Variants in PTPRB observed in about 807,000 individuals in gnomAD.
PTPRB encodes the protein protein tyrosine phosphatase receptor type B, also known as receptor-type tyrosine-protein phosphatase beta.
Under a neutral mutation model 238.1 loss-of-function variants are expected in PTPRB, and 97 were observed. The ratio of observed to expected loss-of-function variants is 0.41; its 90% CI spans 0.35 to 0.48. The LOEUF (loss-of-function observed/expected upper bound fraction) is 0.48, where lower values mean the gene tolerates loss of function less well. Ranked by LOEUF, PTPRB falls within the 20% of genes least tolerant of loss-of-function variation. The probability of loss-of-function intolerance (pLI) is 0.30; values close to 1 mark genes in which losing one functional copy is unlikely to be tolerated. For missense variants in PTPRB, 2,292 were observed against 2,681.9 expected, an observed-to-expected ratio of 0.85 and a Z score of 3.21; for synonymous variants, 970 against 995.4, an observed-to-expected ratio of 0.97 and a Z score of 0.48.
intron 4 of PTPRB, among the ~76,000 whole-genome samples, chr12:70,607,974 T>C (rs976586531): frequency 6.8e-6 from 1 of 147,886 alleles, no homozygotes; most frequent in East Asian, 1.9e-4. Flanking sequence ...ATTTTGATTT[T>C]TTTCTTTGAA....
intron 9 of PTPRB, 106 bp from the exon 10 acceptor site, chr12:70,581,408 AT>A (rs1881379927): frequency 1.6e-6 from 2 of 1,218,890 alleles, no homozygotes. Context: ...ACTAAAAATA[AT>A]TTTTGTGTTG....
rs757207691 is a variant in PTPRB, at chr12:70,555,292, G to C, written c.5011C>G (p.Pro1671Ala). Residue 1671 changes from proline to alanine, a missense_variant, in exon 20 of 34, where the codon CCA becomes GCA. Pro to Ala is a conservative substitution (Grantham distance 27). Transcript: ENST00000334414. ...TCCTTTTCATTCACACGAATGTGTGGGGGTGGAGGAGGGGGGCCTGGAAAA... is the reference window on the plus strand; with the variant it reads ...TCCTTTTCATTCACACGAATGTGTGCGGGTGGAGGAGGGGGGCCTGGAAAA... ...TMIDRPPPPP[P>A]HIRVNEKDVL... 1 of 1,612,684 alleles carries C rather than the reference G, an allele frequency of 6.2e-7. No homozygotes were observed. Among genetic ancestry groups the C allele is most frequent in the East Asian group, 2.2e-5 (1 of 44,836 alleles).
intron 20 of PTPRB, among the ~76,000 whole-genome samples, chr12:70,553,596 C>T (rs537681620): frequency 6.6e-5 from 10 of 152,324 alleles, no homozygotes; most frequent in African/African-American, 2.2e-4. Flanking sequence ...CAGAACTCTT[C>T]CCCTGTCCAC....
chr12:70,534,845 A>G lies in PTPRB; in HGVS notation c.6192T>C (p.Phe2064=), dbSNP rs756080520. The G allele has an allele frequency of 2.5e-6, 4 of 1,613,878 alleles. No individual in the cohort carries two copies. The Admixed American group carries it at 6.7e-5, about 27-fold the overall frequency. Residue 2064 remains phenylalanine (F), a synonymous_variant, in exon 30 of 34, where the codon TTT becomes TTC. Coordinates refer to ENST00000334414, the MANE Select transcript of PTPRB (RefSeq NM_001109754.4). The stretch of plus-strand genomic sequence containing the variant: ...CAAGCTAACATACACCGCATATCTT[A>G]AACTCCCGGATGGTCCACTCAGGCA... ...SVLPEWTIRE[F]KICGEEQLDA...
At position 70,537,087 on chromosome 12, in the gene PTPRB, T is replaced by A. The variant is rs891145460; in HGVS notation, c.5947-928A>T. On this transcript the variant is annotated intron_variant, in intron 28 of 33. Coordinates refer to ENST00000334414, the MANE Select transcript of PTPRB (RefSeq NM_001109754.4). ...ATCATGAGGTCAGGAGATGGAGATCTTCCTGGCTAACACGGTGAAACCCCG... is the reference window on the plus strand; with the variant it reads ...ATCATGAGGTCAGGAGATGGAGATCATCCTGGCTAACACGGTGAAACCCCG... Among the ~76,000 whole-genome samples, 4 of 151,978 alleles carry A rather than the reference T, an allele frequency of 2.6e-5. No individual in the cohort carries two copies. The East Asian group carries it at 7.8e-4, about 30-fold the overall frequency.
intron 21 of PTPRB, among the ~76,000 whole-genome samples, chr12:70,548,154 C>A (rs930317697): frequency 1.3e-5 from 2 of 152,082 alleles, no homozygotes; most frequent in African/African-American, 4.8e-5. Flanking sequence ...CGGTGAAACC[C>A]CATCTCTATT....
At chr12:70,553,459 A>G (rs558325482) in intron 20 of PTPRB, among the ~76,000 whole-genome samples, 1 of 152,302 alleles carries the variant, frequency 6.6e-6, no homozygotes, top group Non-Finnish European at 1.5e-5. Context: ...CCTAGGCCAG[A>G]GCAGTCATCC....
chr12:70,587,460 C>T (rs1348327602), intron 8 of PTPRB, among the ~76,000 whole-genome samples, 193 bp from the exon 9 acceptor site: 1 of 152,160 alleles, frequency 6.6e-6, no homozygotes, highest in Non-Finnish European at 1.5e-5. Context: ...AATACAGACT[C>T]AATTAGAAAA....
At chr12:70,524,901 ATG>A (rs753166980) in intron 32 of PTPRB, among the ~76,000 whole-genome samples, 1 of 150,418 alleles carries the variant, frequency 6.6e-6, no homozygotes, top group South Asian at 2.1e-4. Context: ...ATGTGTATAT[ATG>A]TGTATATATG....
At chr12:70,629,136 A>G (rs1566025037) in intron 2 of PTPRB, among the ~76,000 whole-genome samples, 1 of 152,164 alleles carries the variant, frequency 6.6e-6, no homozygotes, top group Non-Finnish European at 1.5e-5. Flanking sequence ...TGTGCCCCCA[A>G]AAGACTGTTT....
intron 3 of PTPRB, among the ~76,000 whole-genome samples, chr12:70,618,959 T>C (rs780189576): frequency 1.0e-3 from 154 of 152,086 alleles, no homozygotes; most frequent in Non-Finnish European, 1.1e-3. Context: ...CCCCTCACAC[T>C]GGCAGGTAAG....
intron 10 of PTPRB, 28 bp from the exon 11 acceptor site, chr12:70,576,673 G>C: frequency 3.7e-6 from 1 of 273,404 alleles, no homozygotes. Flanking sequence ...GGGGGGCGGG[G>C]GGGGGGGGGA....
At chr12:70,561,521 C>G (rs181098635) in intron 16 of PTPRB, among the ~76,000 whole-genome samples, 1 of 152,170 alleles carries the variant, frequency 6.6e-6, no homozygotes, top group Non-Finnish European at 1.5e-5. Context: ...ATTGGGAGAC[C>G]TTTAAGCATT....
intron 10 of PTPRB, among the ~76,000 whole-genome samples, chr12:70,577,177 A>C (rs1462753964): frequency 6.6e-6 from 1 of 152,180 alleles, no homozygotes; most frequent in Non-Finnish European, 1.5e-5. Flanking sequence ...ACACAACCAG[A>C]GGGACCGTTT....
chr12:70,552,696 G>T (rs571989496), intron 21 of PTPRB, 81 bp downstream of exon 21: 8 of 1,516,834 alleles, frequency 5.3e-6, no homozygotes, highest in Non-Finnish European at 5.4e-6. Flanking sequence ...ATGGAAGCTC[G>T]CATGCATCAG....
At chr12:70,614,654 C>T (rs1162858305) in intron 3 of PTPRB, among the ~76,000 whole-genome samples, 2 of 152,002 alleles carry the variant, frequency 1.3e-5, no homozygotes, top group Non-Finnish European at 2.9e-5. Context: ...CAGTTTGATA[C>T]CTTTCCTCCT....
rs765282694 is a variant in PTPRB at position 70,609,199 on chromosome 12, G to C, written c.849C>G (p.Ala283=). The C allele has an allele frequency of 6.8e-6, 11 of 1,614,036 alleles. No individual in the cohort carries two copies. The highest frequency in any genetic ancestry group is 9.3e-6 in the Non-Finnish European group (11 of 1,179,890). The part of the protein sequence containing the change: ...SLIYSSDTLG[A]ALCPTFRIDN... ...CTATCCGAAAGGTAGGGCACAACGC[G>C]GCCCCCAGGGTGTCACTGCTATAGA... is the stretch of plus-strand genomic sequence containing the variant. The change falls in exon 4 of 34, where the codon GCC becomes GCG. Residue 283 remains alanine, a synonymous_variant. Transcript: ENST00000334414.
At chr12:70,537,723 T>TATGCCATA (rs1874389429) in intron 28 of PTPRB, among the ~76,000 whole-genome samples, 1 of 152,178 alleles carries the variant, frequency 6.6e-6, no homozygotes, top group Non-Finnish European at 1.5e-5. Context: ...TCCACTGCAG[T>TATGCCATA]ATGCCATAGG....
At chr12:70,571,383 A>G in intron 12 of PTPRB, 94 bp from the exon 13 acceptor site, 1 of 1,251,286 alleles carries the variant, frequency 8.0e-7, no homozygotes, top group Non-Finnish European at 1.1e-6. Flanking sequence ...AACTGGCAAC[A>G]TCTCCCTTCC....
Sources: allele counts gnomAD v4.1 joint callset (sites outside exome capture counted in the v4.1 genomes callset), GRCh38; gene constraint gnomAD v4.1.1; transcripts MANE v1.5; gene names NCBI Gene and HGNC (gene_info 2026-07-23, HGNC 2026-07-21).